Variants in MTF1 observed in about 807,000 individuals in gnomAD.
MTF1 encodes metal regulatory transcription factor 1.
MTF1 carries 22 observed loss-of-function variants against 70.4 expected under a neutral mutation model. The ratio of observed to expected loss-of-function variants is 0.31; its 90% confidence interval spans 0.22 to 0.45. The LOEUF (loss-of-function observed/expected upper bound fraction) is 0.45. MTF1 is among the 20% of genes least tolerant of loss of function. MTF1 has a pLI of 1.00. For missense variants in MTF1, 649 were observed against 922.0 expected (o/e 0.70, Z 3.83); for synonymous variants, 333 against 352.8 (o/e 0.94, Z 0.63).
At chr1:37,854,416 C>A (rs72917985) in intron 2 of MTF1, among the ~76,000 whole-genome samples, 1 of 152,200 alleles carries the variant, frequency 6.6e-6, no homozygotes, top group African/African-American at 2.4e-5. Context: ...TCAATCCCAG[C>A]ACTATCACTA....
intron 8 of MTF1, among the ~76,000 whole-genome samples, chr1:37,823,024 T>C (rs1640942519): frequency 6.6e-6 from 1 of 152,236 alleles, no homozygotes; most frequent in African/African-American, 2.4e-5. Context: ...GACTATACTT[T>C]CTGACTAATG....
rs1216423590 is a variant in MTF1, at chr1:37,840,742, T to G, written c.409-584A>C. Among the ~76,000 whole-genome samples, 1 of 152,054 alleles carries G rather than the reference T, an allele frequency of 6.6e-6. No individual in the cohort carries two copies. The highest frequency in any genetic ancestry group is 2.4e-5 in the African/African-American group (1 of 41,396). ...TCTTGTTTCCTTTCACCATCAAACT[T>G]CTTGAAAGGGGAGTCAATTCTTCAC... On this transcript the variant is annotated intron_variant, in intron 2 of 10. Coordinates refer to ENST00000373036, the MANE Select transcript of MTF1 (RefSeq NM_005955.3). The surrounding 1 kb of genome is among the most constrained non-coding windows in gnomAD (Gnocchi z 4.5).
chr1:37,813,856 C>T lies in MTF1; in HGVS notation c.*1280G>A, dbSNP rs775986074. On this transcript the variant is annotated 3_prime_UTR_variant, in exon 11 of 11. Coordinates refer to ENST00000373036, the MANE Select transcript of MTF1 (RefSeq NM_005955.3). ...TATGGATATAATTCTATAACACACA[C>T]ACACAATTTTTTCCTATAACACAAC... 3.3e-5 allele frequency: 5 copies of T among 152,674 alleles called. No homozygotes were observed. Among genetic ancestry groups the T allele is most frequent in the Non-Finnish European group, 7.3e-5 (5 of 68,044 alleles). The allele number at this position is 152,674 out of a possible 1,614,324, so 9.5% of individuals were successfully genotyped here. A position where few individuals can be genotyped will look rare whatever the true frequency, so the allele number is the denominator to read the frequency against.
intron 6 of MTF1, among the ~76,000 whole-genome samples, chr1:37,832,758 G>A (rs1398500240): frequency 6.6e-6 from 1 of 152,146 alleles, no homozygotes; most frequent in Non-Finnish European, 1.5e-5. Flanking sequence ...TGTAATCCCA[G>A]CAATTTGGGA....
chr1:37,849,003 C>T (rs1641374425), intron 2 of MTF1, among the ~76,000 whole-genome samples: 1 of 152,204 alleles, frequency 6.6e-6, no homozygotes, highest in Non-Finnish European at 1.5e-5. Flanking sequence ...CTCCAAAACA[C>T]TGGAGTCAGA....
intron 2 of MTF1, among the ~76,000 whole-genome samples, chr1:37,846,825 T>C (rs950275069): frequency 6.6e-6 from 1 of 151,920 alleles, no homozygotes; most frequent in Non-Finnish European, 1.5e-5. Context: ...GAAAAGAAAG[T>C]GAAAGTGAGA....
At chr1:37,839,563 G>A (rs1457610315) in intron 3 of MTF1, among the ~76,000 whole-genome samples, 2 of 152,170 alleles carry the variant, frequency 1.3e-5, no homozygotes, top group South Asian at 2.1e-4. Flanking sequence ...GCTTAGGTAG[G>A]ACAGAAGCCT....
chr1:37,855,016 G>A (rs1446423954), intron 2 of MTF1, among the ~76,000 whole-genome samples: 2 of 152,044 alleles, frequency 1.3e-5, no homozygotes, highest in East Asian at 1.9e-4. Flanking sequence ...CCGGGATCAC[G>A]CCACTGCACT....
chr1:37,828,169 G>T, intron 7 of MTF1: 1 of 364,382 alleles, frequency 2.7e-6, no homozygotes, highest in South Asian at 1.9e-5. Context: ...AATCATAAAA[G>T]CATTAAAAAA....
intron 9 of MTF1, among the ~76,000 whole-genome samples, chr1:37,820,175 C>T (rs1640889673): frequency 6.6e-6 from 1 of 152,176 alleles, no homozygotes; most frequent in Non-Finnish European, 1.5e-5. Context: ...ACGGGGTTGG[C>T]ACCCTAGTTC....
intron 9 of MTF1, among the ~76,000 whole-genome samples, chr1:37,821,160 A>C (rs1226977740): frequency 6.7e-6 from 1 of 149,014 alleles, no homozygotes; most frequent in African/African-American, 2.4e-5. Context: ...TGGGTGACAG[A>C]GCCTCAAAAT....
intron 2 of MTF1, among the ~76,000 whole-genome samples, chr1:37,849,968 C>A (rs140322839): frequency 6.6e-6 from 1 of 152,298 alleles, no homozygotes; most frequent in African/African-American, 2.4e-5. Flanking sequence ...AAGGGCCAGA[C>A]ATGGTGGCTC....
chr1:37,827,127 T>A (rs937449735), intron 7 of MTF1, among the ~76,000 whole-genome samples: 3 of 152,174 alleles, frequency 2.0e-5, no homozygotes, highest in African/African-American at 7.2e-5. Context: ...TATATACATA[T>A]CCATATGTGT....
At chr1:37,845,523 T>C (rs754220886) in intron 2 of MTF1, among the ~76,000 whole-genome samples, 12 of 152,170 alleles carry the variant, frequency 7.9e-5, no homozygotes, top group South Asian at 4.1e-4. Context: ...GATTGACTGA[T>C]TGAATAGATG....
At position 37,815,746 on chromosome 1, in the gene MTF1, G is replaced by A. The variant is rs1640810279; in HGVS notation, c.1832-180C>T. On this transcript the variant is annotated intron_variant, in intron 10 of 10. Transcript: ENST00000373036. The surrounding 1 kb of genome is among the most constrained non-coding windows in gnomAD (Gnocchi z 4.5). ...CACATGCCCTCTGAGGTAAAAGAGG[G>A]ACACTCCCCAGCCCGAGACAAAGTC... 6.6e-6 allele frequency among the ~76,000 whole-genome samples: 1 copy of A among 152,112 alleles called. No homozygotes were observed. Among genetic ancestry groups the A allele is most frequent in the Non-Finnish European group, 1.5e-5 (1 of 68,028 alleles).
Position 37,814,401 on chromosome 1 carries a change from T to C in MTF1, c.*735A>G, listed in dbSNP as rs1474289862. The C allele has an allele frequency of 6.6e-6, 1 of 152,076 alleles. No individual in the cohort carries two copies. Among genetic ancestry groups the C allele is most frequent in the Admixed American group, 6.6e-5 (1 of 15,242 alleles). The allele number at this position is 152,076 out of a possible 1,614,324, so 9.4% of individuals were successfully genotyped here. Reference sequence around the variant, plus strand: ...CAGGAAGGCAAGGACAGTGATCATGTTGCTAGAGCCTGCTTTGCACACACG... The same window carrying C: ...CAGGAAGGCAAGGACAGTGATCATGCTGCTAGAGCCTGCTTTGCACACACG... On this transcript the variant is annotated 3_prime_UTR_variant, in exon 11 of 11. Coordinates refer to ENST00000373036, the MANE Select transcript of MTF1 (RefSeq NM_005955.3).
intron 4 of MTF1, among the ~76,000 whole-genome samples, chr1:37,837,508 TA>T (rs1481444043): frequency 3.3e-5 from 5 of 152,138 alleles, no homozygotes; most frequent in African/African-American, 1.2e-4. Context: ...ATTTTTTTTT[TA>T]TTTTTATTTT....
chr1:37,856,662 G>A (rs1641501725), intron 2 of MTF1, among the ~76,000 whole-genome samples: 1 of 151,522 alleles, frequency 6.6e-6, no homozygotes, highest in South Asian at 2.1e-4. Context: ...ACCAAGCCTG[G>A]CTAATTTTTG....
At chr1:37,822,750 T>C in intron 8 of MTF1, 34 bp from the exon 9 acceptor site, 3 of 1,485,202 alleles carry the variant, frequency 2.0e-6, no homozygotes, top group Admixed American at 1.7e-5. Flanking sequence ...TATATATACA[T>C]ATCCCAAGCC....
Sources: allele counts gnomAD v4.1 joint callset (sites outside exome capture counted in the v4.1 genomes callset), GRCh38; gene constraint gnomAD v4.1.1; non-coding constraint Gnocchi (gnomAD v3.1); transcripts MANE v1.5; gene names NCBI Gene and HGNC (gene_info 2026-07-23, HGNC 2026-07-21).